The following BAHCC1 variants were observed in gnomAD, a reference collection of about 807,000 sequenced individuals.
The protein encoded by BAHCC1 is BAH and coiled-coil domain-containing protein 1.
Under a neutral mutation model 88.2 loss-of-function variants are expected in BAHCC1, and 43 were observed. That is an observed-to-expected ratio of 0.49 (90% confidence interval 0.38 to 0.63). The LOEUF (loss-of-function observed/expected upper bound fraction) is 0.63, where lower values mean the gene tolerates loss of function less well. Ranked by LOEUF, BAHCC1 falls within the 20% of genes least tolerant of loss-of-function variation. The pLI, the probability that BAHCC1 is intolerant of heterozygous loss-of-function variation, is 0.00. For missense variants in BAHCC1, 3,023 were observed against 1,654.8 expected (o/e 1.83, Z -14.34); for synonymous variants, 1,510 against 745.5 (o/e 2.03, Z -16.71).
At chr17:81,456,190 G>A (rs933609954) in intron 15 of BAHCC1, 107 bp from the exon 16 acceptor site, 9 of 620,172 alleles carry the variant, frequency 1.5e-5, no homozygotes, top group South Asian at 3.7e-5. Flanking sequence ...CAGGGGCCTC[G>A]AGGTACCAGT....
intron 2 of BAHCC1, among the ~76,000 whole-genome samples, chr17:81,417,149 G>A (rs1965722108): frequency 6.6e-6 from 1 of 152,194 alleles, no homozygotes; most frequent in Admixed American, 6.5e-5. Flanking sequence ...GGGCTGGGGT[G>A]TGCGTGCGTG....
At position 81,445,510 on chromosome 17, in the gene BAHCC1, G is replaced by C. The variant is rs782079153; in HGVS notation, c.2992G>C (p.Asp998His). The C allele has an allele frequency of 2.7e-6, 2 of 738,732 alleles. No homozygotes were observed. The highest frequency in any genetic ancestry group is 5.2e-5 in the East Asian group (2 of 38,744). The allele number at this position is 738,732 out of a possible 1,614,324, so 45.8% of individuals were successfully genotyped here. A position where few individuals can be genotyped will look rare whatever the true frequency, so the allele number is the denominator to read the frequency against. ...TKLPPCCHPP[D>H]PKPPASSPTP... ...GCTGCCACCTTGCTGCCATCCGCCC[G>C]ACCCAAAGCCCCCCGCCAGCTCCCC... The change falls in exon 10 of 28, where the codon GAC becomes CAC. Residue 998 changes from aspartate to histidine, a missense_variant. Asp to His is a moderately conservative substitution (Grantham distance 81). Transcript: ENST00000675386.
chr17:81,460,677 G>A lies in BAHCC1; in HGVS notation c.6173G>A (p.Gly2058Glu). The A allele has an allele frequency of 1.3e-6, 1 of 773,136 alleles. No individual in the cohort carries two copies. Among genetic ancestry groups the A allele is most frequent in the Non-Finnish European group, 2.4e-6 (1 of 414,816 alleles). 47.9% of individuals were successfully genotyped at this position (773,136 alleles called of 1,614,324 possible). A position where few individuals can be genotyped will look rare whatever the true frequency, so the allele number is the denominator to read the frequency against. Residue 2058 changes from glycine (G) to glutamate (E), a missense_variant, in exon 25 of 28, where the codon GGG becomes GAG. Gly to Glu is a moderately conservative substitution (Grantham distance 98, BLOSUM62 -2). Coordinates refer to ENST00000675386, the MANE Select transcript of BAHCC1 (RefSeq NM_001377448.1). ...QDGPEALKTP[G>E]KKSISKDKAG... Reference sequence around the variant, plus strand: ...GGCCCCGAAGCTTTGAAGACACCTGGGAAAAAATCCATTAGCAAAGACAAA... The same window carrying A: ...GGCCCCGAAGCTTTGAAGACACCTGAGAAAAAATCCATTAGCAAAGACAAA...
intron 3 of BAHCC1, among the ~76,000 whole-genome samples, chr17:81,436,635 C>A (rs1331887253): frequency 6.9e-6 from 1 of 145,318 alleles, no homozygotes; most frequent in Middle Eastern, 3.5e-3. Flanking sequence ...CAGCTTTGGT[C>A]GAATCTTCCA....
chr17:81,433,890 AACCCACTGAC>A (rs2064301437), intron 3 of BAHCC1, among the ~76,000 whole-genome samples: 1 of 152,212 alleles, frequency 6.6e-6, no homozygotes, highest in Admixed American at 6.5e-5. Context: ...CTGCACCTGA[AACCCACTGAC>A]ACCCTGAGTG....
chr17:81,462,124 C>T (rs929009549), intron 26 of BAHCC1, 78 bp downstream of exon 26: 3 of 643,174 alleles, frequency 4.7e-6, no homozygotes, highest in Non-Finnish European at 8.4e-6. Context: ...TGCTGCCCTT[C>T]CCTCTCCTTT....
chr17:81,457,724 G>A, intron 17 of BAHCC1, 132 bp downstream of exon 17: 1 of 598,486 alleles, frequency 1.7e-6, no homozygotes, highest in South Asian at 2.0e-5. Context: ...TAACCAGGAG[G>A]GAGGGCAGGG....
chr17:81,424,522 C>T (rs1405313196), intron 2 of BAHCC1, among the ~76,000 whole-genome samples: 2 of 151,736 alleles, frequency 1.3e-5, no homozygotes, highest in Non-Finnish European at 2.9e-5. Context: ...GTGGTGGTGG[C>T]GAGTGATGTG....
intron 2 of BAHCC1, among the ~76,000 whole-genome samples, chr17:81,419,380 C>T (rs1391874175): frequency 1.3e-5 from 2 of 152,270 alleles, no homozygotes; most frequent in Non-Finnish European, 2.9e-5. Flanking sequence ...GCTTCCTCCC[C>T]GCGCTTTCCC....
At chr17:81,414,041 T>G (rs953185157) in intron 2 of BAHCC1, among the ~76,000 whole-genome samples, 24 of 152,224 alleles carry the variant, frequency 1.6e-4, no homozygotes, top group Admixed American at 1.5e-3. Context: ...GCTGGATCCA[T>G]GTGGTCTGAG....
Position 81,428,265 on chromosome 17 carries a change from C to T in BAHCC1, c.358+1286C>T, listed in dbSNP as rs937277495. Among the ~76,000 whole-genome samples, 19 of 152,346 alleles carry T rather than the reference C, an allele frequency of 1.2e-4. No individual in the cohort carries two copies. In the South Asian group the frequency reaches 3.7e-3, roughly 30 times the overall value. ...CGCCTTCCTGGCTCATATGCCCCACCCCGCCTCAGCCTTTTGTGTCTGTGG... is the reference window on the plus strand; with the variant it reads ...CGCCTTCCTGGCTCATATGCCCCACTCCGCCTCAGCCTTTTGTGTCTGTGG... On this transcript the variant is annotated intron_variant, in intron 3 of 27. Coordinates refer to ENST00000675386, the MANE Select transcript of BAHCC1 (RefSeq NM_001377448.1).
chr17:81,461,787 C>T lies in BAHCC1; in HGVS notation c.7124C>T (p.Ala2375Val). The change falls in exon 26 of 28, where the codon GCC becomes GTC. Residue 2375 changes from alanine (A) to valine (V), a missense_variant. Ala to Val is a moderately conservative substitution (Grantham distance 64). Coordinates refer to ENST00000675386, the MANE Select transcript of BAHCC1 (RefSeq NM_001377448.1). Reference sequence around the variant, plus strand: ...CCCACCCTCCTGGCCCAGCCCGAGGCCCTGCGCTCCAAGGGCAGCGGCCCT... The same window carrying T: ...CCCACCCTCCTGGCCCAGCCCGAGGTCCTGCGCTCCAAGGGCAGCGGCCCT... ...PVPTLLAQPE[A>V]LRSKGSGPHA... 1.4e-6 allele frequency: 1 copy of T among 715,904 alleles called. No individual in the cohort carries two copies. The highest frequency in any genetic ancestry group is 2.7e-5 in the East Asian group (1 of 37,334). 44.3% of individuals were successfully genotyped at this position (715,904 alleles called of 1,614,324 possible).
At chr17:81,446,615 C>T in intron 10 of BAHCC1, 2 of 303,782 alleles carry the variant, frequency 6.6e-6, no homozygotes, top group Non-Finnish European at 1.3e-5. Context: ...GTGACGCGAA[C>T]ATGGTTCACT....
At chr17:81,455,482 C>T (rs1202924011) in intron 15 of BAHCC1, 92 bp downstream of exon 15, 13 of 655,120 alleles carry the variant, frequency 2.0e-5, no homozygotes, top group South Asian at 5.0e-5. Flanking sequence ...AGCCCTGTGC[C>T]GAAACCCATT....
At chr17:81,460,486 C>T in intron 24 of BAHCC1, 44 bp from the exon 25 acceptor site, 2 of 728,344 alleles carry the variant, frequency 2.7e-6, no homozygotes, top group East Asian at 5.1e-5. Flanking sequence ...TGGCAGTCAC[C>T]CCACAGCCAT....
intron 10 of BAHCC1, among the ~76,000 whole-genome samples, chr17:81,446,114 C>T (rs34537581): frequency 6.6e-6 from 1 of 152,100 alleles, no homozygotes; most frequent in East Asian, 1.9e-4. Context: ...GGCCTGGCCT[C>T]GGCCCCTGCC....
Position 81,459,241 on chromosome 17 carries a change from C to T in BAHCC1, c.5721-12C>T, listed in dbSNP as rs1555658458. On this transcript the variant is annotated splice_polypyrimidine_tract_variant and intron_variant, in intron 21 of 27. Coordinates refer to ENST00000675386, the MANE Select transcript of BAHCC1 (RefSeq NM_001377448.1). ...GAGACCCGTGGCACCTCACATTCCC[C>T]AATGCCCCCAGCTATAGCATCGTCA... is the stretch of plus-strand genomic sequence containing the variant. The T allele has an allele frequency of 6.4e-6, 5 of 778,232 alleles. No homozygotes were observed. The highest frequency in any genetic ancestry group is 4.9e-5 in the East Asian group (2 of 41,210). 48.2% of individuals were successfully genotyped at this position (778,232 alleles called of 1,614,324 possible).
At chr17:81,460,799 G>T (rs1385488110) in intron 25 of BAHCC1, 67 bp from the exon 26 acceptor site, 1 of 769,992 alleles carries the variant, frequency 1.3e-6, no homozygotes, top group Non-Finnish European at 2.4e-6. Context: ...CAGGGTCCGG[G>T]GAGGGGCAGG....
At chr17:81,436,281 C>T (rs1270802612) in intron 3 of BAHCC1, among the ~76,000 whole-genome samples, 1 of 152,248 alleles carries the variant, frequency 6.6e-6, no homozygotes, top group Non-Finnish European at 1.5e-5. Context: ...CAAGGCCCAG[C>T]AGCTGAGGGA....
Sources: allele counts gnomAD v4.1 joint callset (sites outside exome capture counted in the v4.1 genomes callset), GRCh38; gene constraint gnomAD v4.1.1; transcripts MANE v1.5; gene names NCBI Gene and HGNC (gene_info 2026-07-23, HGNC 2026-07-21).